The following RDX variants were observed in gnomAD, a reference collection of about 807,000 sequenced individuals.
RDX encodes radixin.
Under a neutral mutation model 83.7 loss-of-function variants are expected in RDX, and 32 were observed. The observed-to-expected ratio is 0.38, with a 90% CI of 0.29 to 0.51. The LOEUF is 0.51. Ranked by LOEUF, RDX falls within the 20% of genes least tolerant of loss-of-function variation. The pLI is 0.87. For synonymous variants in RDX, 229 were observed against 222.7 expected, an observed-to-expected ratio of 1.03 and a Z score of -0.25; for missense variants, 600 against 689.9, an observed-to-expected ratio of 0.87 and a Z score of 1.46.
intron 15 of RDX, among the ~76,000 whole-genome samples, chr11:110,188,620 G>A (rs1456412069): frequency 2.0e-5 from 3 of 152,078 alleles, no homozygotes; most frequent in South Asian, 4.1e-4. Context: ...GAACTTATTC[G>A]TGTAACCAAA....
At chr11:110,197,097 G>T (rs1050982486) in intron 15 of RDX, among the ~76,000 whole-genome samples, 26 of 152,080 alleles carry the variant, frequency 1.7e-4, no homozygotes, top group African/African-American at 5.8e-4. Flanking sequence ...CCAGGGTTTT[G>T]CCATGTTGCC....
rs1859451112 is a variant in RDX, at chr11:110,254,205, T to C, written c.796-96A>G. The C allele has an allele frequency of 4.1e-6, 4 of 970,868 alleles. No individual in the cohort carries two copies. The Middle Eastern group carries it at 6.8e-4, about 165-fold the overall frequency. 60.1% of individuals were successfully genotyped at this position (970,868 alleles called of 1,614,324 possible). A position where few individuals can be genotyped will look rare whatever the true frequency, so the allele number is the denominator to read the frequency against. On this transcript the variant is annotated intron_variant, in intron 8 of 13. Coordinates refer to ENST00000645495, the MANE Select transcript of RDX (RefSeq NM_002906.4). ...TTTTAACATGAGGTATGAATTTTAA[T>C]GTCATATTACATATAGTTTAGAAAT...
intron 14 of RDX, among the ~76,000 whole-genome samples, chr11:110,220,645 G>A (rs1322824105): frequency 1.3e-5 from 2 of 152,052 alleles, no homozygotes; most frequent in Non-Finnish European, 2.9e-5. Context: ...ATTATAAGCA[G>A]CTGCCACCAC....
chr11:110,286,293 A>T (rs1174740025), intron 1 of RDX, among the ~76,000 whole-genome samples: 2 of 152,262 alleles, frequency 1.3e-5, no homozygotes, highest in Admixed American at 6.5e-5. Context: ...GCTGCCAGCC[A>T]GCAAACGTCT....
intron 12 of RDX, among the ~76,000 whole-genome samples, chr11:110,235,294 T>C (rs981812216): frequency 2.0e-5 from 3 of 152,142 alleles, no homozygotes; most frequent in African/African-American, 2.4e-5. Context: ...GAATTATGAT[T>C]GTGCCACTGC....
At chr11:110,206,923 G>A (rs1001939970) in intron 14 of RDX, among the ~76,000 whole-genome samples, 2 of 152,078 alleles carry the variant, frequency 1.3e-5, no homozygotes, top group African/African-American at 2.4e-5. Context: ...TCAAAGTGTG[G>A]TCCCAAAACA....
chr11:110,246,299 C>T (rs1859102922), intron 10 of RDX, among the ~76,000 whole-genome samples: 1 of 152,196 alleles, frequency 6.6e-6, no homozygotes, highest in African/African-American at 2.4e-5. Context: ...TGGCTTTCCC[C>T]TCTAGCTACT....
chr11:110,286,492 G>A (rs1860983341), intron 1 of RDX, among the ~76,000 whole-genome samples: 1 of 152,172 alleles, frequency 6.6e-6, no homozygotes, highest in South Asian at 2.1e-4. Context: ...TTAGGTCAGT[G>A]GCACAAGACT....
At chr11:110,196,947 G>A (rs1252711130) in intron 15 of RDX, among the ~76,000 whole-genome samples, 2 of 152,192 alleles carry the variant, frequency 1.3e-5, no homozygotes, top group Non-Finnish European at 2.9e-5. Context: ...CACCCAGGCT[G>A]GAGTGCAGGG....
rs367959168 is a variant in RDX, at chr11:110,254,075, T to C, written c.830A>G (p.Asn277Ser). The change falls in exon 9 of 14, where the codon AAT (asparagine) becomes AGT (serine). Residue 277 changes from asparagine (N) to serine (S), a missense_variant. Coordinates refer to ENST00000645495, the MANE Select transcript of RDX (RefSeq NM_002906.4). ...FVFYAPRLRI[N>S]KRILALCMGN... ...CATACATAAGGCCAAAATCCGCTTATTGATTCTCAGACGAGGTGCATAAAA... is the reference window on the plus strand; with the variant it reads ...CATACATAAGGCCAAAATCCGCTTACTGATTCTCAGACGAGGTGCATAAAA... 84 of 1,613,762 alleles carry C rather than the reference T, an allele frequency of 5.2e-5. 1 individual carries two copies. The highest frequency in any genetic ancestry group is 2.2e-4 in the South Asian group (20 of 91,074).
intron 15 of RDX, among the ~76,000 whole-genome samples, chr11:110,194,656 A>G (rs573566682): frequency 6.6e-6 from 1 of 152,362 alleles, no homozygotes; most frequent in African/African-American, 2.4e-5. Flanking sequence ...GTTATCCTTT[A>G]AGTTATAAAA....
At chr11:110,181,572 A>T (rs1862887646) in intron 15 of RDX, among the ~76,000 whole-genome samples, 1 of 152,224 alleles carries the variant, frequency 6.6e-6, no homozygotes, top group Admixed American at 6.5e-5. Context: ...GGGGCCTAGA[A>T]GAGTTGGGCA....
Position 110,231,973 on chromosome 11 carries a change from G to A in RDX, c.1648C>T (p.Leu550Phe), listed in dbSNP as rs200726776. 10 of 1,614,102 alleles carry A rather than the reference G, an allele frequency of 6.2e-6. No individual in the cohort carries two copies. The highest frequency in any genetic ancestry group is 4.5e-5 in the East Asian group (2 of 44,878). Residue 550 changes from leucine to phenylalanine, a missense_variant, in exon 14 of 14, where the codon CTT becomes TTT. By Grantham distance (22) the Leu-to-Phe change is conservative (BLOSUM62 0). Coordinates refer to ENST00000645495, the MANE Select transcript of RDX (RefSeq NM_002906.4). The part of the protein sequence containing the change: ...DETKKTQNDV[L>F]HAENVKAGRD... ...CCTGCTTTAACATTCTCAGCATGAA[G>A]AACATCATTTTGTGTTTTCTTGGTT...
intron 15 of RDX, among the ~76,000 whole-genome samples, chr11:110,194,899 G>A (rs181414879): frequency 3.9e-5 from 6 of 152,272 alleles, no homozygotes; most frequent in Admixed American, 6.5e-5. Flanking sequence ...GGGTAACTTC[G>A]TGCCCAGCAG....
At chr11:110,259,862 C>G (rs1025743384) in intron 5 of RDX, among the ~76,000 whole-genome samples, 4 of 151,270 alleles carry the variant, frequency 2.6e-5, no homozygotes, top group African/African-American at 9.7e-5. Flanking sequence ...TTTTCTTTTT[C>G]AGAGACAACT....
chr11:110,277,290 GGATT>G (rs1331794327), intron 2 of RDX, among the ~76,000 whole-genome samples: 1 of 152,004 alleles, frequency 6.6e-6, no homozygotes, highest in Non-Finnish European at 1.5e-5. Context: ...TATCTACACT[GGATT>G]ATTACCAGTC....
At chr11:110,264,429 A>C (rs1297541865) in intron 4 of RDX, among the ~76,000 whole-genome samples, 195 bp from the exon 5 acceptor site, 1 of 152,186 alleles carries the variant, frequency 6.6e-6, no homozygotes, top group Non-Finnish European at 1.5e-5. Flanking sequence ...TGTGACCTAT[A>C]ACTCAGATTC....
At chr11:110,263,594 C>T (rs1445591594) in intron 5 of RDX, among the ~76,000 whole-genome samples, 1 of 151,394 alleles carries the variant, frequency 6.6e-6, no homozygotes, top group African/African-American at 2.4e-5. Context: ...GGTGCGGTGG[C>T]TCATGCCTGT....
intron 2 of RDX, among the ~76,000 whole-genome samples, chr11:110,279,209 A>G (rs1387330970): frequency 4.6e-5 from 7 of 152,230 alleles, no homozygotes; most frequent in African/African-American, 1.4e-4. Context: ...ATGCAAGGAA[A>G]TTAAAAATTG....
Sources: gnomAD v4.1 joint callset for allele counts (sites outside exome capture counted in the v4.1 genomes callset) on GRCh38, gnomAD v4.1.1 for gene constraint, MANE v1.5 for transcripts, NCBI Gene and HGNC (gene_info 2026-07-23, HGNC 2026-07-21) for gene names.